The following NTRK2 variants were observed in gnomAD, a reference collection of about 807,000 sequenced individuals.
NTRK2 encodes the protein BDNF/NT-3 growth factors receptor.
Under a neutral mutation model 94.5 loss-of-function variants are expected in NTRK2, and 13 were observed. That is an observed-to-expected ratio of 0.14 (90% confidence interval 0.09 to 0.22). The LOEUF (loss-of-function observed/expected upper bound fraction) is 0.22, where lower values mean the gene tolerates loss of function less well. NTRK2 is among the 10% of genes least tolerant of loss of function. NTRK2 has a pLI of 1.00. For synonymous variants in NTRK2, 372 were observed against 407.4 expected (o/e 0.91, Z 1.05); for missense variants, 639 against 1,071.2 (o/e 0.60, Z 5.63).
At chr9:85,015,998 C>T (rs1201238999) in intron 17 of NTRK2, among the ~76,000 whole-genome samples, 1 of 152,150 alleles carries the variant, frequency 6.6e-6, no homozygotes, top group Admixed American at 6.5e-5. Flanking sequence ...CTTTTAGGGG[C>T]ATTACTTGCA....
At chr9:84,989,683 A>G (rs1828799666) in intron 17 of NTRK2, among the ~76,000 whole-genome samples, 1 of 152,228 alleles carries the variant, frequency 6.6e-6, no homozygotes, top group African/African-American at 2.4e-5. Context: ...CTCATTTTCC[A>G]AAAGCCGCAG....
At chr9:84,878,631 T>TTA (rs1554761173) in intron 14 of NTRK2, among the ~76,000 whole-genome samples, 4 of 135,622 alleles carry the variant, frequency 2.9e-5, no homozygotes, top group African/African-American at 8.5e-5. Context: ...AGACTATGTC[T>TTA]AAAAAAAAAA....
chr9:84,753,172 C>A (rs1384327945), intron 12 of NTRK2, among the ~76,000 whole-genome samples: 3 of 152,040 alleles, frequency 2.0e-5, no homozygotes, highest in Non-Finnish European at 4.4e-5. Context: ...CTTAAAATAA[C>A]TCAAAAAACC....
At chr9:84,891,636 G>T (rs572392485) in intron 14 of NTRK2, among the ~76,000 whole-genome samples, 3 of 152,270 alleles carry the variant, frequency 2.0e-5, no homozygotes, top group South Asian at 4.1e-4. Flanking sequence ...GACCCAGTAG[G>T]GCGGATCTGG....
chr9:84,755,873 A>C (rs1384238152), intron 12 of NTRK2, among the ~76,000 whole-genome samples: 1 of 152,066 alleles, frequency 6.6e-6, no homozygotes, highest in East Asian at 1.9e-4. Flanking sequence ...CTAGTGTCCA[A>C]TAGGCTCCCG....
At chr9:84,994,127 T>A (rs1829440224) in intron 17 of NTRK2, among the ~76,000 whole-genome samples, 1 of 152,218 alleles carries the variant, frequency 6.6e-6, no homozygotes, top group Admixed American at 6.5e-5. Flanking sequence ...CACCAAGAAC[T>A]ATGTAGGTTC....
At chr9:84,935,901 T>G in intron 15 of NTRK2, among the ~76,000 whole-genome samples, 1 of 152,210 alleles carries the variant, frequency 6.6e-6, no homozygotes, top group East Asian at 1.9e-4. Context: ...GGTAGCTCTA[T>G]TTTTGTAAAT....
chr9:85,019,166 A>G (rs567565860), intron 17 of NTRK2, among the ~76,000 whole-genome samples: 4 of 152,246 alleles, frequency 2.6e-5, no homozygotes, highest in African/African-American at 9.6e-5. Context: ...TACTAACTGG[A>G]TATTGAGATT....
At chr9:84,981,268 T>G (rs980446436) in intron 17 of NTRK2, among the ~76,000 whole-genome samples, 1 of 151,328 alleles carries the variant, frequency 6.6e-6, no homozygotes, top group African/African-American at 2.4e-5. Flanking sequence ...TTTTGTTGTT[T>G]TTTTTTTATG....
intron 12 of NTRK2, among the ~76,000 whole-genome samples, chr9:84,786,746 C>A (rs1381361069): frequency 6.6e-6 from 1 of 152,166 alleles, no homozygotes; most frequent in Non-Finnish European, 1.5e-5. Flanking sequence ...CTCCCAGTGG[C>A]CACCACGTGT....
intron 12 of NTRK2, among the ~76,000 whole-genome samples, chr9:84,802,626 A>T (rs2070629314): frequency 6.6e-6 from 1 of 152,192 alleles, no homozygotes; most frequent in Non-Finnish European, 1.5e-5. Context: ...GGTTAATTTA[A>T]CTCAAGTGAG....
chr9:84,986,840 C>T (rs1828379571), intron 17 of NTRK2, among the ~76,000 whole-genome samples: 1 of 152,180 alleles, frequency 6.6e-6, no homozygotes, highest in South Asian at 2.1e-4. Flanking sequence ...GTGTTTAAGT[C>T]CAGAAAGGTA....
rs141777663 is a variant in NTRK2, at chr9:84,911,496, A to G, written c.1634-22666A>G. 4.9e-4 allele frequency among the ~76,000 whole-genome samples: 74 copies of G among 152,254 alleles called. No individual in the cohort carries two copies. The East Asian group carries it at 0.01, about 21-fold the overall frequency. On this transcript the variant is annotated intron_variant, in intron 14 of 18. Transcript: ENST00000277120. ...CAAATTAGGTATTTCATATGTGGTC[A>G]TTTGTGCTTTTCAAAGAATTGGCCC... is the stretch of plus-strand genomic sequence containing the variant.
At chr9:84,677,366 A>G (rs1411912663) in intron 2 of NTRK2, among the ~76,000 whole-genome samples, 3 of 152,126 alleles carry the variant, frequency 2.0e-5, no homozygotes. Flanking sequence ...CTTCAGGATT[A>G]TTGGCTCCCA....
intron 15 of NTRK2, among the ~76,000 whole-genome samples, chr9:84,939,066 A>G (rs994201510): frequency 2.7e-5 from 4 of 150,182 alleles, no homozygotes; most frequent in Non-Finnish European, 5.9e-5. Flanking sequence ...AAAAAAAAAA[A>G]AAAAAGAAAA....
intron 12 of NTRK2, among the ~76,000 whole-genome samples, chr9:84,824,444 C>A (rs1389847180): frequency 6.6e-6 from 1 of 152,202 alleles, no homozygotes; most frequent in Non-Finnish European, 1.5e-5. Context: ...TAGACCCTGG[C>A]AAATTGGTAT....
intron 12 of NTRK2, among the ~76,000 whole-genome samples, chr9:84,849,778 C>T (rs1023631937): frequency 5.3e-5 from 8 of 152,112 alleles, no homozygotes; most frequent in Admixed American, 2.0e-4. Context: ...AATGTTCCTA[C>T]GGTTGTCTAT....
chr9:85,003,450 A>C (rs749925737), intron 17 of NTRK2, among the ~76,000 whole-genome samples: 22 of 152,298 alleles, frequency 1.4e-4, no homozygotes, highest in South Asian at 6.2e-4. Flanking sequence ...AGCTAGTTCT[A>C]AGTGCAATAA....
At chr9:84,670,284 G>C (rs1291726711) in intron 1 of NTRK2, 93 bp from the exon 2 acceptor site, 1 of 266,660 alleles carries the variant, frequency 3.8e-6, no homozygotes, top group African/African-American at 2.2e-5. Context: ...GCTGGGGTCG[G>C]GGTGGGGATG....
Sources: allele counts gnomAD v4.1 joint callset (sites outside exome capture counted in the v4.1 genomes callset), GRCh38; gene constraint gnomAD v4.1.1; transcripts MANE v1.5; gene names NCBI Gene and HGNC (gene_info 2026-07-23, HGNC 2026-07-21).